PDE4B: variants seen among roughly 807,000 people sequenced by gnomAD.
The protein encoded by PDE4B is phosphodiesterase 4B, also known as 3',5'-cyclic-AMP phosphodiesterase 4B.
PDE4B carries 20 observed loss-of-function variants against 82.2 expected under a neutral mutation model. That is an observed-to-expected ratio of 0.24 (90% CI 0.17 to 0.35). The LOEUF (loss-of-function observed/expected upper bound fraction) is 0.35. PDE4B is among the 10% of genes least tolerant of loss of function. The probability of loss-of-function intolerance (pLI) is 1.00; values close to 1 mark genes in which losing one functional copy is unlikely to be tolerated. For missense variants in PDE4B, 655 were observed against 907.2 expected, an observed-to-expected ratio of 0.72 and a Z score of 3.57; for synonymous variants, 320 against 318.9, an observed-to-expected ratio of 1.00 and a Z score of -0.04.
chr1:65,925,320 C>T (rs908516479), intron 3 of PDE4B, among the ~76,000 whole-genome samples: 12 of 151,856 alleles, frequency 7.9e-5, no homozygotes, highest in Non-Finnish European at 1.5e-4. Flanking sequence ...ACATGTACCC[C>T]GGAACTGAAA....
At chr1:66,348,526 A>G (rs1661579136) in intron 8 of PDE4B, among the ~76,000 whole-genome samples, 1 of 152,088 alleles carries the variant, frequency 6.6e-6, no homozygotes, top group African/African-American at 2.4e-5. Flanking sequence ...GTCCTCTGTC[A>G]AAAAGAAAAT....
intron 8 of PDE4B, among the ~76,000 whole-genome samples, chr1:66,340,977 A>G (rs547195748): frequency 6.6e-6 from 1 of 152,316 alleles, no homozygotes; most frequent in East Asian, 1.9e-4. Flanking sequence ...AATTTGATAA[A>G]TCAAACCAAA....
chr1:66,372,715 G>A lies in PDE4B; in HGVS notation c.*37G>A. 6.3e-7 allele frequency: 1 copy of A among 1,578,006 alleles called. No homozygotes were observed. Among genetic ancestry groups the A allele is most frequent in the East Asian group, 2.2e-5 (1 of 44,602 alleles). ...CTGTGGAGATGAACATTCTATCCTT[G>A]ATGAGCATGCCAGCTATGTGGTAGG... On this transcript the variant is annotated 3_prime_UTR_variant, in exon 17 of 17. Transcript: ENST00000341517.
rs562835386 is a variant in PDE4B, at chr1:66,272,200, CT to C, written c.634+6116del. Among the ~76,000 whole-genome samples, 337 of 152,332 alleles carry C rather than the reference CT, an allele frequency of 2.2e-3. 1 individual carries two copies. The highest frequency in any genetic ancestry group is 3.6e-3 in the Non-Finnish European group (248 of 68,024). On this transcript the variant is annotated intron_variant, in intron 7 of 16. Coordinates refer to ENST00000341517, the MANE Select transcript of PDE4B (RefSeq NM_002600.4). Reference sequence around the variant, plus strand: ...AGAGCCCTTTAGGAAACATGTGCCTCTTTCTGGGCATTCTTGACAGCTCTAT... The same window carrying C: ...AGAGCCCTTTAGGAAACATGTGCCTCTTCTGGGCATTCTTGACAGCTCTAT...
intron 3 of PDE4B, among the ~76,000 whole-genome samples, chr1:65,970,218 T>A (rs1217613074): frequency 1.6e-5 from 1 of 63,150 alleles, no homozygotes; most frequent in Non-Finnish European, 3.7e-5. Flanking sequence ...AAATATTTTC[T>A]TTTTTTTTTT....
chr1:65,833,814 C>G (rs1646109742), intron 1 of PDE4B, among the ~76,000 whole-genome samples: 1 of 152,112 alleles, frequency 6.6e-6, no homozygotes, highest in African/African-American at 2.4e-5. Context: ...AGTTGTTAAG[C>G]ACAGACATTG....
intron 3 of PDE4B, among the ~76,000 whole-genome samples, chr1:65,949,747 T>C (rs1284687898): frequency 6.6e-6 from 1 of 152,066 alleles, no homozygotes; most frequent in Non-Finnish European, 1.5e-5. Flanking sequence ...GATACCTGCC[T>C]CACTTGATAC....
chr1:65,935,386 A>AT (rs1437805950), intron 3 of PDE4B, among the ~76,000 whole-genome samples: 2 of 152,074 alleles, frequency 1.3e-5, no homozygotes, highest in Non-Finnish European at 2.9e-5. Context: ...AGAATGTGAT[A>AT]TGCTGGTATA....
At chr1:65,895,526 T>G in intron 1 of PDE4B, among the ~76,000 whole-genome samples, 2 of 134,302 alleles carry the variant, frequency 1.5e-5, no homozygotes, top group East Asian at 2.1e-4. Flanking sequence ...CTCTAGCCTG[T>G]GTGACAGAGT....
At chr1:66,135,296 A>G (rs1646034159) in intron 3 of PDE4B, among the ~76,000 whole-genome samples, 1 of 152,232 alleles carries the variant, frequency 6.6e-6, no homozygotes, top group African/African-American at 2.4e-5. Context: ...GAAATCATTG[A>G]AGAGTTTTAT....
intron 3 of PDE4B, among the ~76,000 whole-genome samples, chr1:65,985,733 G>A (rs937605391): frequency 6.6e-6 from 1 of 152,104 alleles, no homozygotes; most frequent in Non-Finnish European, 1.5e-5. Flanking sequence ...ACCTAGGGAA[G>A]AAAGAGAGGA....
At chr1:65,867,149 T>C (rs976569014) in intron 1 of PDE4B, among the ~76,000 whole-genome samples, 1 of 152,198 alleles carries the variant, frequency 6.6e-6, no homozygotes, top group Non-Finnish European at 1.5e-5. Context: ...GTATTCTCTT[T>C]AGTGTGGAAT....
intron 1 of PDE4B, among the ~76,000 whole-genome samples, chr1:65,819,637 C>T (rs2101235477): frequency 6.6e-6 from 1 of 151,654 alleles, no homozygotes; most frequent in East Asian, 1.9e-4. Flanking sequence ...GTAGCTGGGA[C>T]TATAGGCGCC....
intron 3 of PDE4B, among the ~76,000 whole-genome samples, chr1:65,959,635 A>C (rs116309623): frequency 0.01 from 1,546 of 151,936 alleles, 10 homozygotes; most frequent in Middle Eastern, 0.017. Flanking sequence ...ATCATCCTGT[A>C]AAGTAGGTAT....
chr1:65,815,165 G>A (rs185314121), intron 1 of PDE4B, among the ~76,000 whole-genome samples: 1 of 151,400 alleles, frequency 6.6e-6, no homozygotes, highest in African/African-American at 2.4e-5. Context: ...CCACTAACTC[G>A]TCATCTAGCA....
intron 3 of PDE4B, among the ~76,000 whole-genome samples, chr1:66,138,325 C>A (rs1646100098): frequency 6.6e-6 from 1 of 152,144 alleles, no homozygotes; most frequent in South Asian, 2.1e-4. Context: ...TCGAGATGAG[C>A]CTGGCCAACA....
chr1:65,858,643 T>C (rs1449420585), intron 1 of PDE4B, among the ~76,000 whole-genome samples: 1 of 152,202 alleles, frequency 6.6e-6, no homozygotes, highest in African/African-American at 2.4e-5. Flanking sequence ...AGTTTTTTCA[T>C]CTATCTTTTA....
At chr1:66,283,033 G>A (rs966131070) in intron 7 of PDE4B, among the ~76,000 whole-genome samples, 1 of 152,070 alleles carries the variant, frequency 6.6e-6, no homozygotes, top group African/African-American at 2.4e-5. Flanking sequence ...CAGTTCATTA[G>A]CAAACATTCA....
At chr1:66,167,414 C>T (rs1646755825) in intron 3 of PDE4B, among the ~76,000 whole-genome samples, 1 of 152,030 alleles carries the variant, frequency 6.6e-6, no homozygotes. Context: ...ATTTTTAAAA[C>T]TTTAAGTGAA....
Sources: gnomAD v4.1 joint callset for allele counts (sites outside exome capture counted in the v4.1 genomes callset) on GRCh38, gnomAD v4.1.1 for gene constraint, MANE v1.5 for transcripts, NCBI Gene and HGNC (gene_info 2026-07-23, HGNC 2026-07-21) for gene names.